Variants in MMS22L observed in about 807,000 individuals in gnomAD.
The protein encoded by MMS22L is protein MMS22-like.
A neutral mutation model predicts 159.1 loss-of-function variants in MMS22L; 74 were observed. That is an observed-to-expected ratio of 0.47 (90% CI 0.39 to 0.56). The LOEUF (loss-of-function observed/expected upper bound fraction) is 0.56. MMS22L is among the 20% of genes least tolerant of loss of function. The pLI, the probability that MMS22L is intolerant of heterozygous loss-of-function variation, is 0.00. For synonymous variants in MMS22L, 517 were observed against 506.9 expected (o/e 1.02, Z -0.27); for missense variants, 1,351 against 1,422.1 (o/e 0.95, Z 0.80).
rs189822149 is a variant in MMS22L at position 97,238,131 on chromosome 6, A to G, written c.1183-4151T>C. 5.3e-5 allele frequency among the ~76,000 whole-genome samples: 8 copies of G among 152,340 alleles called. No individual in the cohort carries two copies. The East Asian group carries it at 1.5e-3, about 29-fold the overall frequency. ...GTGAACCTGGACAAGTTCTTCAAACATTCTGGGCCTCAGTCTGTAAAAGTA... is the reference window on the plus strand; with the variant it reads ...GTGAACCTGGACAAGTTCTTCAAACGTTCTGGGCCTCAGTCTGTAAAAGTA... On this transcript the variant is annotated intron_variant, in intron 11 of 24. Transcript: ENST00000683635.
intron 22 of MMS22L, among the ~76,000 whole-genome samples, chr6:97,156,577 C>T (rs1228862348): frequency 6.6e-6 from 1 of 152,114 alleles, no homozygotes; most frequent in Non-Finnish European, 1.5e-5. Context: ...AATAGGGAAT[C>T]CTTTCCCCAT....
intron 15 of MMS22L, 120 bp downstream of exon 15, chr6:97,186,377 T>A (rs958157041): frequency 8.6e-6 from 6 of 694,546 alleles, no homozygotes; most frequent in Non-Finnish European, 1.3e-5. Flanking sequence ...TGTAATTTGT[T>A]TCATCTTTCT....
chr6:97,245,604 T>C (rs946613515), intron 11 of MMS22L, among the ~76,000 whole-genome samples: 4 of 152,026 alleles, frequency 2.6e-5, no homozygotes, highest in Non-Finnish European at 5.9e-5. Flanking sequence ...TAGGACAAAA[T>C]ACAATAAACA....
Position 97,149,973 on chromosome 6 carries a change from C to T in MMS22L, c.3530G>A (p.Ser1177Asn). Residue 1177 changes from serine (S) to asparagine (N), a missense_variant, in exon 24 of 25, where the codon AGC (serine) becomes AAC (asparagine). Transcript: ENST00000683635. ...YGMRYYYQVY[S>N]ILETVATLDQ... ...CAATGTTGCTACTGTTTCTAAAATG[C>T]TGTAAACCTGGTAATAGTACCTCAT... is the stretch of plus-strand genomic sequence containing the variant. The T allele has an allele frequency of 1.2e-6, 2 of 1,613,592 alleles. No homozygotes were observed. The highest frequency in any genetic ancestry group is 1.7e-6 in the Non-Finnish European group (2 of 1,179,716).
At chr6:97,273,564 C>T (rs762696072) in intron 4 of MMS22L, among the ~76,000 whole-genome samples, 1 of 152,142 alleles carries the variant, frequency 6.6e-6, no homozygotes, top group African/African-American at 2.4e-5. Flanking sequence ...CCAGACCTTC[C>T]GTGTTAAACT....
intron 14 of MMS22L, among the ~76,000 whole-genome samples, chr6:97,189,652 T>C (rs1347651747): frequency 6.7e-6 from 1 of 149,478 alleles, no homozygotes. Flanking sequence ...TCCTCCAAGG[T>C]TGAGTTAAAA....
Position 97,282,538 on chromosome 6 carries a change from A to G in MMS22L, c.-61T>C. The G allele has an allele frequency of 4.0e-6, 1 of 251,038 alleles. No individual in the cohort carries two copies. The highest frequency in any genetic ancestry group is 5.9e-6 in the Non-Finnish European group (1 of 168,192). The allele number at this position is 251,038 out of a possible 1,614,324, so 15.6% of individuals were successfully genotyped here. ...CGTATCATTAAGGGCTCCAAAGAGAAGGTGTGAAGAGATTCCTGTTGGGGG... is the reference window on the plus strand; with the variant it reads ...CGTATCATTAAGGGCTCCAAAGAGAGGGTGTGAAGAGATTCCTGTTGGGGG... On this transcript the variant is annotated 5_prime_UTR_variant, in exon 2 of 25. Coordinates refer to ENST00000683635, the MANE Select transcript of MMS22L (RefSeq NM_001350599.2).
intron 14 of MMS22L, among the ~76,000 whole-genome samples, chr6:97,193,682 C>G (rs915971145): frequency 6.6e-6 from 1 of 152,162 alleles, no homozygotes; most frequent in Admixed American, 6.5e-5. Context: ...CAGCATTGGG[C>G]CCAATCATAA....
At chr6:97,149,704 A>G (rs1364015452) in intron 24 of MMS22L, 149 bp downstream of exon 24, 2 of 723,656 alleles carry the variant, frequency 2.8e-6, no homozygotes, top group African/African-American at 1.8e-5. Context: ...CACACTTTGT[A>G]AAACTGATAA....
In MMS22L at chr6:97,281,363, CTGAAA is replaced by C; in HGVS notation, c.165-6_165-2del. 6.3e-7 allele frequency: 1 copy of C among 1,591,020 alleles called. No individual in the cohort carries two copies. The highest frequency in any genetic ancestry group is 8.5e-7 in the Non-Finnish European group (1 of 1,170,550). On this transcript the variant is annotated splice_acceptor_variant and splice_polypyrimidine_tract_variant and intron_variant, in intron 2 of 24. Coordinates refer to ENST00000683635, the MANE Select transcript of MMS22L (RefSeq NM_001350599.2). LOFTEE classifies it high-confidence loss of function. ...TAAAGGGTCAAGATTCAAAATCAAT[CTGAAA>C]TGAAAATTGTTTCAATCTCATAAAA... is the stretch of plus-strand genomic sequence containing the variant.
In MMS22L at chr6:97,165,073, G is replaced by T. The variant is rs534263579; in HGVS notation, c.3221+173C>A. On this transcript the variant is annotated intron_variant, in intron 21 of 24. Transcript: ENST00000683635. ...AATTTAAAGAGCATTGTCTTAGGCT[G>T]CCATAAGCAAATGTCATTTTAATAA... 5.9e-5 allele frequency among the ~76,000 whole-genome samples: 9 copies of T among 152,236 alleles called. No homozygotes were observed. In the South Asian group the frequency reaches 1.7e-3, roughly 28 times the overall value.
chr6:97,196,479 A>T (rs192285569), intron 14 of MMS22L, among the ~76,000 whole-genome samples: 267 of 152,304 alleles, frequency 1.8e-3, no homozygotes, highest in Non-Finnish European at 3.2e-3. Context: ...GAACTGTAGT[A>T]CTGATAAGAA....
Position 97,194,369 on chromosome 6 carries a change from T to C in MMS22L, c.2040-7679A>G, listed in dbSNP as rs141443547. 1.1e-3 allele frequency among the ~76,000 whole-genome samples: 171 copies of C among 152,256 alleles called. 2 individuals are homozygous for C. The East Asian group carries it at 0.024, about 21-fold the overall frequency. On this transcript the variant is annotated intron_variant, in intron 14 of 24. Transcript: ENST00000683635. ...CCATGCCCGGCCGAGGGTCTACATT[T>C]CTACCAGGCAGATGCTGCTATCCTA...
intron 12 of MMS22L, among the ~76,000 whole-genome samples, chr6:97,232,386 TC>T (rs1270737309): frequency 6.6e-6 from 1 of 152,174 alleles, no homozygotes; most frequent in African/African-American, 2.4e-5. Flanking sequence ...AATTAACTCA[TC>T]AGAAATCTGA....
At chr6:97,246,829 T>G in intron 10 of MMS22L, 139 bp from the exon 11 acceptor site, 1 of 584,010 alleles carries the variant, frequency 1.7e-6, no homozygotes, top group Middle Eastern at 4.2e-4. Flanking sequence ...ATTTCTAATA[T>G]TCCTTTGGTA....
intron 6 of MMS22L, chr6:97,271,087 A>C (rs962977071): frequency 7.9e-5 from 12 of 152,104 alleles, no homozygotes; most frequent in African/African-American, 2.9e-4. Flanking sequence ...AAAAAATAAA[A>C]GAAGCTCAAC....
intron 15 of MMS22L, among the ~76,000 whole-genome samples, chr6:97,185,212 T>G (rs1805103156): frequency 6.6e-6 from 1 of 152,138 alleles, no homozygotes; most frequent in Non-Finnish European, 1.5e-5. Context: ...TATTTACTCA[T>G]TTAGTGGTCT....
Position 97,168,219 on chromosome 6 carries a change from G to C in MMS22L, c.2861C>G (p.Ala954Gly), listed in dbSNP as rs1803174973. ...GMMGILVKSW[A>G]QIFATSKAQK... ...GGCTTTAGAAGTGGCAAAGATTTGT[G>C]CCCATGATTTCACAAGAATTCCTAA... Residue 954 changes from alanine (A) to glycine (G), a missense_variant, in exon 20 of 25, where the codon GCA (alanine) becomes GGA (glycine). Transcript: ENST00000683635. 6.2e-7 allele frequency: 1 copy of C among 1,612,518 alleles called. No individual in the cohort carries two copies. The highest frequency in any genetic ancestry group is 2.2e-5 in the East Asian group (1 of 44,810).
chr6:97,240,143 C>T (rs765740404), intron 11 of MMS22L, among the ~76,000 whole-genome samples: 37 of 152,164 alleles, frequency 2.4e-4, no homozygotes, highest in Admixed American at 3.9e-4. Flanking sequence ...ATATATTATT[C>T]TTTACAACTA....
Sources: allele counts gnomAD v4.1 joint callset (sites outside exome capture counted in the v4.1 genomes callset), GRCh38; gene constraint gnomAD v4.1.1; transcripts MANE v1.5; gene names NCBI Gene and HGNC (gene_info 2026-07-23, HGNC 2026-07-21).